ARL15: variants seen among roughly 807,000 people sequenced by gnomAD.
ARL15 encodes the protein ARF like GTPase 15.
Under a neutral mutation model 25.2 loss-of-function variants are expected in ARL15, and 19 were observed. That is an observed-to-expected ratio of 0.75 (90% confidence interval 0.53 to 1.10). The LOEUF (loss-of-function observed/expected upper bound fraction) is 1.10. Among genes scored for constraint, ARL15 ranks in the 50% least tolerant of loss-of-function variants. The pLI, the probability that ARL15 is intolerant of heterozygous loss-of-function variation, is 0.00. For missense variants in ARL15, 220 were observed against 246.0 expected (o/e 0.89, Z 0.71); for synonymous variants, 94 against 86.8 (o/e 1.08, Z -0.46).
At chr5:54,019,928 T>C (rs1749542138) in intron 4 of ARL15, among the ~76,000 whole-genome samples, 1 of 152,232 alleles carries the variant, frequency 6.6e-6, no homozygotes, top group Non-Finnish European at 1.5e-5. Flanking sequence ...TTTGCAATTA[T>C]TCTCTTCTTC....
intron 4 of ARL15, among the ~76,000 whole-genome samples, chr5:54,026,617 G>A (rs1225574929): frequency 6.6e-6 from 1 of 152,156 alleles, no homozygotes; most frequent in Non-Finnish European, 1.5e-5. Context: ...AGAGAGCCAA[G>A]GGAAATTTTC....
intron 4 of ARL15, among the ~76,000 whole-genome samples, chr5:53,891,079 C>T (rs908971995): frequency 2.0e-5 from 3 of 152,180 alleles, no homozygotes; most frequent in Non-Finnish European, 4.4e-5. Flanking sequence ...GGCATGTAAA[C>T]AGTTTTGAAC....
chr5:54,125,461 C>G (rs574541746), intron 3 of ARL15, among the ~76,000 whole-genome samples: 1 of 152,130 alleles, frequency 6.6e-6, no homozygotes, highest in African/African-American at 2.4e-5. Flanking sequence ...AACGCTGCCC[C>G]CACAAGGAAA....
chr5:54,022,402 C>T (rs998047549), intron 4 of ARL15, among the ~76,000 whole-genome samples: 1 of 152,052 alleles, frequency 6.6e-6, no homozygotes, highest in Admixed American at 6.6e-5. Flanking sequence ...AAGGTGCTTT[C>T]TCTGAAGTTC....
At chr5:54,086,161 G>T (rs181552657) in intron 4 of ARL15, among the ~76,000 whole-genome samples, 2 of 152,078 alleles carry the variant, frequency 1.3e-5, no homozygotes, top group Non-Finnish European at 2.9e-5. Flanking sequence ...TGATCCGCCC[G>T]CCTCGGCCTT....
chr5:54,154,000 T>C (rs1438367266), intron 3 of ARL15, among the ~76,000 whole-genome samples: 1 of 152,196 alleles, frequency 6.6e-6, no homozygotes, highest in Admixed American at 6.5e-5. Flanking sequence ...ATTTCTTTGT[T>C]AATCTATTTA....
chr5:54,270,368 A>T lies in ARL15; in HGVS notation c.48+40064T>A, dbSNP rs192892348. ...GAGTAGCGCCTTTCTCTCCTAACTG[A>T]AAATAGAGTAGTCGTGAAAGGGGAA... On this transcript the variant is annotated intron_variant, in intron 1 of 4. Transcript: ENST00000504924. Among the ~76,000 whole-genome samples, 15 of 152,270 alleles carry T rather than the reference A, an allele frequency of 9.9e-5. No individual in the cohort carries two copies. The East Asian group carries it at 1.4e-3, about 14-fold the overall frequency.
intron 4 of ARL15, among the ~76,000 whole-genome samples, chr5:53,971,577 A>C (rs1346084575): frequency 6.6e-6 from 1 of 151,312 alleles, no homozygotes; most frequent in Non-Finnish European, 1.5e-5. Flanking sequence ...TTTCTTAAAA[A>C]GGCATCCACA....
intron 4 of ARL15, among the ~76,000 whole-genome samples, chr5:54,036,139 G>GA (rs1338633592): frequency 6.6e-6 from 1 of 150,634 alleles, no homozygotes; most frequent in Non-Finnish European, 1.5e-5. Flanking sequence ...AACAGAGTGA[G>GA]ACCCCGCTTC....
In ARL15 at chr5:53,966,198, A is replaced by G. The variant is rs542510294; in HGVS notation, c.463-79485T>C. ...AAGATCAAGTTGATCACCAGTGGCA[A>G]TGGTTTAAACAATCATTCCTCCGTA... On this transcript the variant is annotated intron_variant, in intron 4 of 4. Coordinates refer to ENST00000504924, the MANE Select transcript of ARL15 (RefSeq NM_019087.3). Among the ~76,000 whole-genome samples, 170 of 152,200 alleles carry G rather than the reference A, an allele frequency of 1.1e-3. 2 individuals carry two copies. In the South Asian group the frequency reaches 0.011, roughly 10 times the overall value.
intron 4 of ARL15, among the ~76,000 whole-genome samples, chr5:54,049,928 T>A (rs1010740427): frequency 3.9e-5 from 6 of 152,142 alleles, no homozygotes; most frequent in African/African-American, 1.2e-4. Context: ...TTGTTTTCAA[T>A]AAGAACGGGC....
chr5:53,987,943 A>G (rs886298647), intron 4 of ARL15, among the ~76,000 whole-genome samples: 13 of 152,162 alleles, frequency 8.5e-5, no homozygotes. Flanking sequence ...TCTACTAAAA[A>G]TACAAAAACA....
chr5:54,282,667 G>T, intron 1 of ARL15: 1 of 613,348 alleles, frequency 1.6e-6, no homozygotes. Flanking sequence ...ATATTTGGCT[G>T]CTATAAGTAG....
At chr5:53,936,017 G>A (rs1310485079) in intron 4 of ARL15, among the ~76,000 whole-genome samples, 4 of 152,098 alleles carry the variant, frequency 2.6e-5, no homozygotes, top group Non-Finnish European at 5.9e-5. Context: ...CCAAAGTGCT[G>A]GGATTACAGG....
intron 1 of ARL15, among the ~76,000 whole-genome samples, chr5:54,247,740 C>T (rs1047134542): frequency 2.6e-5 from 4 of 151,938 alleles, no homozygotes; most frequent in African/African-American, 4.8e-5. Context: ...ACATTAGCAA[C>T]GTATTTTTGA....
intron 1 of ARL15, among the ~76,000 whole-genome samples, chr5:54,188,282 A>G (rs1755293593): frequency 6.6e-6 from 1 of 152,154 alleles, no homozygotes; most frequent in Non-Finnish European, 1.5e-5. Context: ...GCAGTGGGGG[A>G]ATGGGAGTGG....
At chr5:54,231,795 T>C (rs1209487266) in intron 1 of ARL15, among the ~76,000 whole-genome samples, 1 of 152,060 alleles carries the variant, frequency 6.6e-6, no homozygotes, top group Non-Finnish European at 1.5e-5. Context: ...TTTCTGGTGT[T>C]TTTAAAATAA....
intron 4 of ARL15, among the ~76,000 whole-genome samples, chr5:53,987,709 G>A (rs1748341156): frequency 1.3e-5 from 2 of 152,156 alleles, no homozygotes; most frequent in Admixed American, 1.3e-4. Context: ...CCAGCAGTTT[G>A]GGAGGCCAAG....
chr5:53,954,095 T>TAAAAAAA (rs11325411), intron 4 of ARL15, among the ~76,000 whole-genome samples: 1 of 141,242 alleles, frequency 7.1e-6, no homozygotes, highest in African/African-American at 2.6e-5. Flanking sequence ...ATCTTCTACT[T>TAAAAAAA]AAAAAAAAAA....
Sources: gnomAD v4.1 joint callset for allele counts (sites outside exome capture counted in the v4.1 genomes callset) on GRCh38, gnomAD v4.1.1 for gene constraint, MANE v1.5 for transcripts, NCBI Gene and HGNC (gene_info 2026-07-23, HGNC 2026-07-21) for gene names.